PTPRD: variants seen among roughly 807,000 people sequenced by gnomAD.
The protein encoded by PTPRD is protein tyrosine phosphatase receptor type D, also known as receptor-type tyrosine-protein phosphatase delta.
A neutral mutation model predicts 214.5 loss-of-function variants in PTPRD; 34 were observed. That is an observed-to-expected ratio of 0.16 (90% CI 0.12 to 0.21). The LOEUF is 0.21. Ranked by LOEUF, PTPRD falls within the 10% of genes least tolerant of loss-of-function variation. The pLI is 1.00. For synonymous variants in PTPRD, 1,128 were observed against 845.7 expected, an observed-to-expected ratio of 1.33 and a Z score of -5.79; for missense variants, 2,545 against 2,398.7, an observed-to-expected ratio of 1.06 and a Z score of -1.27.
intron 9 of PTPRD, among the ~76,000 whole-genome samples, chr9:9,271,044 C>T (rs532330078): frequency 6.6e-6 from 1 of 151,310 alleles, no homozygotes; most frequent in Non-Finnish European, 1.5e-5. Context: ...GTTTAAAGTG[C>T]TTATGCGGCT....
intron 5 of PTPRD, among the ~76,000 whole-genome samples, chr9:9,839,330 A>G (rs1288319813): frequency 2.0e-5 from 3 of 152,266 alleles, no homozygotes; most frequent in Non-Finnish European, 2.9e-5. Flanking sequence ...AATCTCCTTA[A>G]GCTGATAAGC....
rs991725200 is a variant in PTPRD at position 10,532,574 on chromosome 9, C to CTA, written c.-600+79822_-600+79823dup. Among the ~76,000 whole-genome samples, 7 of 146,908 alleles carry CTA rather than the reference C, an allele frequency of 4.8e-5. No homozygotes were observed. The East Asian group carries it at 5.9e-4, about 12-fold the overall frequency. On this transcript the variant is annotated intron_variant, in intron 2 of 45. Transcript: ENST00000381196. ...GCTGTAAAAGTCCTATATATATACACTATATATATATTTATATAATATATA... is the reference window on the plus strand; with the variant it reads ...GCTGTAAAAGTCCTATATATATACACTATATATATATATTTATATAATATATA...
intron 7 of PTPRD, among the ~76,000 whole-genome samples, chr9:9,583,461 C>G (rs962411096): frequency 3.9e-5 from 6 of 151,968 alleles, no homozygotes; most frequent in South Asian, 2.1e-4. Flanking sequence ...TCCTCTGAAC[C>G]CTTTTTCATG....
At chr9:8,389,160 A>G in intron 37 of PTPRD, 72 bp downstream of exon 37, 1 of 1,345,294 alleles carries the variant, frequency 7.4e-7, no homozygotes, top group South Asian at 1.4e-5. Flanking sequence ...GATTCTGAAC[A>G]GAATAAAATA....
intron 35 of PTPRD, among the ~76,000 whole-genome samples, chr9:8,414,962 AG>A (rs2093817437): frequency 6.7e-6 from 1 of 149,638 alleles, no homozygotes; most frequent in Non-Finnish European, 1.5e-5. Flanking sequence ...AGAGAGAGAG[AG>A]AGAGAGAGAG....
chr9:9,487,164 C>G (rs1195040799), intron 8 of PTPRD, among the ~76,000 whole-genome samples: 1 of 152,020 alleles, frequency 6.6e-6, no homozygotes, highest in Non-Finnish European at 1.5e-5. Flanking sequence ...CACCCATTAA[C>G]TTGTCATTTA....
chr9:10,257,256 C>A (rs966112527), intron 3 of PTPRD, among the ~76,000 whole-genome samples: 1 of 152,170 alleles, frequency 6.6e-6, no homozygotes, highest in Non-Finnish European at 1.5e-5. Context: ...ATATCTGGTC[C>A]TAAACAATTT....
chr9:8,955,600 C>T (rs1252346618), intron 11 of PTPRD, among the ~76,000 whole-genome samples: 1 of 151,764 alleles, frequency 6.6e-6, no homozygotes, highest in Non-Finnish European at 1.5e-5. Context: ...CTCTGAGAGG[C>T]TATTTCTGTT....
intron 11 of PTPRD, among the ~76,000 whole-genome samples, chr9:8,986,789 C>T (rs1034486808): frequency 2.0e-5 from 3 of 151,954 alleles, no homozygotes; most frequent in East Asian, 1.9e-4. Flanking sequence ...TAATATCAAA[C>T]GAATTATTTC....
chr9:9,638,319 C>A (rs1047844572), intron 7 of PTPRD, among the ~76,000 whole-genome samples: 1 of 152,204 alleles, frequency 6.6e-6, no homozygotes, highest in African/African-American at 2.4e-5. Flanking sequence ...CTAGAGACTT[C>A]TTCTGCCAAA....
chr9:8,542,637 C>T (rs1185337556), intron 14 of PTPRD, among the ~76,000 whole-genome samples: 1 of 152,196 alleles, frequency 6.6e-6, no homozygotes, highest in Non-Finnish European at 1.5e-5. Flanking sequence ...TAGAGCTGCC[C>T]CTGGATGGAG....
chr9:9,478,681 T>C (rs144861871), intron 8 of PTPRD, among the ~76,000 whole-genome samples: 249 of 152,346 alleles, frequency 1.6e-3, no homozygotes, highest in African/African-American at 5.7e-3. Context: ...TCATAGAGTA[T>C]TGAATAATAT....
intron 11 of PTPRD, among the ~76,000 whole-genome samples, chr9:8,967,299 T>A (rs1351683753): frequency 6.6e-6 from 1 of 151,630 alleles, no homozygotes. Flanking sequence ...ATTATTTGAT[T>A]GGATATGAAA....
chr9:8,575,836 C>T (rs909115778), intron 14 of PTPRD, among the ~76,000 whole-genome samples: 18 of 152,174 alleles, frequency 1.2e-4, no homozygotes, highest in Admixed American at 1.1e-3. Context: ...AACTACAGTA[C>T]CTACCATGTG....
intron 5 of PTPRD, among the ~76,000 whole-genome samples, chr9:9,837,176 A>G (rs1208982111): frequency 1.3e-5 from 2 of 152,134 alleles, no homozygotes; most frequent in Admixed American, 6.6e-5. Flanking sequence ...TAAATTTTCA[A>G]TGTAGCTCCC....
intron 10 of PTPRD, among the ~76,000 whole-genome samples, chr9:9,081,452 T>G (rs1035163506): frequency 2.6e-5 from 4 of 152,146 alleles, no homozygotes; most frequent in Non-Finnish European, 4.4e-5. Context: ...GATGCACTCC[T>G]GAGAAGAATG....
intron 3 of PTPRD, among the ~76,000 whole-genome samples, chr9:10,164,379 G>C (rs1036679665): frequency 2.6e-5 from 4 of 151,368 alleles, no homozygotes; most frequent in Admixed American, 2.0e-4. Context: ...CTAGTCATGA[G>C]TTTTCCAGAT....
At position 9,454,591 on chromosome 9, in the gene PTPRD, A is replaced by C. The variant is rs367815331; in HGVS notation, c.-236-57109T>G. On this transcript the variant is annotated intron_variant, in intron 8 of 45. Coordinates refer to ENST00000381196, the MANE Select transcript of PTPRD (RefSeq NM_002839.4). The stretch of plus-strand genomic sequence containing the variant: ...AAGATAAGCATTTTAGAATTGCAAA[A>C]GGTTTTGAATAGCCAAAAGAAATTT... 2.9e-4 allele frequency among the ~76,000 whole-genome samples: 44 copies of C among 151,882 alleles called. 3 individuals carry two copies. The highest frequency in any genetic ancestry group is 2.0e-3 in the Admixed American group (30 of 15,186).
At chr9:10,014,372 C>T (rs1475324467) in intron 4 of PTPRD, among the ~76,000 whole-genome samples, 2 of 151,950 alleles carry the variant, frequency 1.3e-5, no homozygotes, top group East Asian at 3.9e-4. Flanking sequence ...GTTACATTTA[C>T]TTTTCACATT....
Sources: allele counts gnomAD v4.1 joint callset (sites outside exome capture counted in the v4.1 genomes callset), GRCh38; gene constraint gnomAD v4.1.1; transcripts MANE v1.5; gene names NCBI Gene and HGNC (gene_info 2026-07-23, HGNC 2026-07-21).